The following ZC4H2 variants were observed in gnomAD, a reference collection of about 807,000 sequenced individuals.
ZC4H2 encodes zinc finger C4H2-type containing.
For missense variants in ZC4H2, 137 were observed against 173.9 expected (o/e 0.79, Z 1.19); for synonymous variants, 84 against 66.3 (o/e 1.27, Z -1.30).
intron 1 of ZC4H2, among the ~76,000 whole-genome samples, chrX:64,987,285 A>C (rs1327409338): frequency 1.8e-5 from 2 of 111,240 alleles, no homozygotes; most frequent in Non-Finnish European, 3.8e-5. Flanking sequence ...TGAAATAGCT[A>C]AAAACAATTT....
chrX:65,029,392 T>C (rs1304301310), intron 1 of ZC4H2, among the ~76,000 whole-genome samples: 1 of 111,100 alleles, frequency 9.0e-6, no homozygotes, highest in Non-Finnish European at 1.9e-5. Context: ...GGAGGGTGAA[T>C]GGGAAGTGAA....
chrX:65,020,661 A>G (rs1405548117), intron 1 of ZC4H2, among the ~76,000 whole-genome samples: 1 of 111,779 alleles, frequency 8.9e-6, no homozygotes. Flanking sequence ...CCATAATGAC[A>G]GGATCAAATT....
chrX:65,013,221 C>A (rs1440703555), intron 1 of ZC4H2, among the ~76,000 whole-genome samples: 1 of 111,930 alleles, frequency 8.9e-6, no homozygotes, highest in African/African-American at 3.3e-5. Context: ...CCAGGGCAAT[C>A]AGGAAACAGT....
chrX:64,965,155 T>C (rs1169326353), intron 1 of ZC4H2, among the ~76,000 whole-genome samples: 1 of 111,653 alleles, frequency 9.0e-6, no homozygotes, highest in Admixed American at 9.5e-5. Flanking sequence ...CCCAGTATGG[T>C]TTTTGGTAGA....
chrX:64,946,041 G>A (rs746623341), intron 1 of ZC4H2, among the ~76,000 whole-genome samples: 7 of 111,081 alleles, frequency 6.3e-5, no homozygotes, highest in Non-Finnish European at 9.4e-5. Flanking sequence ...CCTGCTAAGC[G>A]AGATCACTTG....
chrX:64,939,686 A>G (rs1930176817), intron 1 of ZC4H2, among the ~76,000 whole-genome samples: 1 of 112,276 alleles, frequency 8.9e-6, no homozygotes, highest in African/African-American at 3.2e-5. Context: ...TGGGGAAAGG[A>G]TTCCCTATTT....
chrX:65,002,339 C>T (rs1372414301), intron 1 of ZC4H2, among the ~76,000 whole-genome samples: 5 of 109,348 alleles, frequency 4.6e-5, no homozygotes, highest in East Asian at 5.8e-4. Context: ...CCGCCCCGTC[C>T]GGGAGGGAGG....
intron 1 of ZC4H2, among the ~76,000 whole-genome samples, chrX:64,949,186 T>C (rs745529626): frequency 2.1e-4 from 23 of 111,731 alleles, no homozygotes; most frequent in Non-Finnish European, 3.6e-4. Context: ...AGGGTGAAAT[T>C]TTGCTTTCTC....
intron 1 of ZC4H2, among the ~76,000 whole-genome samples, chrX:65,016,046 G>T (rs1250763191): frequency 8.9e-6 from 1 of 111,842 alleles, no homozygotes; most frequent in Non-Finnish European, 1.9e-5. Context: ...AGGCAGCTAG[G>T]TTTATATTTA....
chrX:64,935,690 G>A (rs780338934), intron 1 of ZC4H2, among the ~76,000 whole-genome samples: 2 of 112,053 alleles, frequency 1.8e-5, no homozygotes, highest in Non-Finnish European at 3.8e-5. Context: ...ACAGGGTCTG[G>A]AGTGGACCTC....
chrX:65,000,449 C>G (rs901333332), intron 1 of ZC4H2, among the ~76,000 whole-genome samples: 1 of 111,813 alleles, frequency 8.9e-6, no homozygotes, highest in African/African-American at 3.3e-5. Context: ...CATCAAAGAC[C>G]AAAGGTAGAT....
At chrX:64,922,420 A>G (rs1929244559) in intron 1 of ZC4H2, among the ~76,000 whole-genome samples, 1 of 112,104 alleles carries the variant, frequency 8.9e-6, no homozygotes. Context: ...ACTCCAACCT[A>G]GGTGACAGAG....
intron 1 of ZC4H2, among the ~76,000 whole-genome samples, chrX:64,968,984 G>A (rs1365855129): frequency 2.7e-5 from 3 of 111,444 alleles, no homozygotes; most frequent in Non-Finnish European, 3.8e-5. Flanking sequence ...GTCTTCATAT[G>A]GTGGAATCAC....
chrX:65,011,544 T>C lies in ZC4H2; in HGVS notation c.-272+23085A>G, dbSNP rs774711370. On this transcript the variant is annotated intron_variant, in intron 1 of 4. Transcript: ENST00000337990. ...ACAGTCTTTTTTGACAATCAGATTA[T>C]GGTAGTAAACCAAGAAAATTACAAC... Among the ~76,000 whole-genome samples, 7 of 111,377 alleles carry C rather than the reference T, an allele frequency of 6.3e-5. No individual in the cohort carries two copies. The South Asian group carries it at 2.3e-3, about 36-fold the overall frequency.
chrX:64,976,218 G>A, intron 1 of ZC4H2, 107 bp downstream of exon 1: 1 of 916,587 alleles, frequency 1.1e-6, no homozygotes, highest in Non-Finnish European at 1.6e-6. Flanking sequence ...GTGGTGAATG[G>A]GCCCCTTTCC....
chrX:65,008,839 G>A (rs1162748294), intron 1 of ZC4H2, among the ~76,000 whole-genome samples: 2 of 111,352 alleles, frequency 1.8e-5, no homozygotes, highest in Non-Finnish European at 3.8e-5. Flanking sequence ...GATAAAGATG[G>A]GATTGTTAAT....
chrX:64,979,221 G>A (rs914331203), upstream of ZC4H2, among the ~76,000 whole-genome samples: 1 of 111,751 alleles, frequency 8.9e-6, no homozygotes, highest in African/African-American at 3.3e-5. Flanking sequence ...GCCCCATGCG[G>A]CCTGTATCAA....
intron 1 of ZC4H2, among the ~76,000 whole-genome samples, chrX:64,956,179 G>A (rs751364953): frequency 5.6e-4 from 63 of 111,856 alleles, no homozygotes; most frequent in Middle Eastern, 4.6e-3. Context: ...GGCACTTGTC[G>A]CCTATGGAGA....
At chrX:64,934,969 CGA>C (rs1362581998) in intron 1 of ZC4H2, among the ~76,000 whole-genome samples, 3 of 108,789 alleles carry the variant, frequency 2.8e-5, no homozygotes, top group Non-Finnish European at 5.7e-5. Context: ...TAAGGGCCAG[CGA>C]GAAAAAAATG....
Sources: allele counts gnomAD v4.1 joint callset (sites outside exome capture counted in the v4.1 genomes callset), GRCh38; gene constraint gnomAD v4.1.1; transcripts MANE v1.5; gene names NCBI Gene and HGNC (gene_info 2026-07-23, HGNC 2026-07-21).